The following HECTD4 variants were observed in gnomAD, a reference collection of about 807,000 sequenced individuals.
HECTD4 encodes probable E3 ubiquitin-protein ligase HECTD4.
HECTD4 carries 114 observed loss-of-function variants against 471.5 expected under a neutral mutation model. The ratio of observed to expected loss-of-function variants is 0.24; its 90% CI spans 0.21 to 0.28. HECTD4 has a LOEUF of 0.28. Ranked by LOEUF, HECTD4 falls within the 10% of genes least tolerant of loss-of-function variation. The probability of loss-of-function intolerance (pLI) is 1.00; values close to 1 mark genes in which losing one functional copy is unlikely to be tolerated. For synonymous variants in HECTD4, 2,012 were observed against 2,256.0 expected (o/e 0.89, Z 3.07); for missense variants, 3,866 against 5,651.5 (o/e 0.68, Z 10.13).
At chr12:112,303,818 C>T (rs2035215156) in intron 7 of HECTD4, among the ~76,000 whole-genome samples, 1 of 148,862 alleles carries the variant, frequency 6.7e-6, no homozygotes, top group Admixed American at 6.7e-5. Flanking sequence ...CCACTGCATT[C>T]CAGCCTGGGT....
Position 112,179,378 on chromosome 12 carries a change from T to A in HECTD4, c.11007A>T (p.Gly3669=). Reference sequence around the variant, plus strand: ...ATATCTCCGTCAGAACCTCTCTGGCTCCGGGCACCAGCTTCTCCCCTGTTG... The same window carrying A: ...ATATCTCCGTCAGAACCTCTCTGGCACCGGGCACCAGCTTCTCCCCTGTTG... ...KSIKGEKLVP[G]AREVLTEIFK... The change falls in exon 63 of 76, where the codon GGA becomes GGT. Residue 3669 remains glycine (G), a synonymous_variant. Coordinates refer to ENST00000682272, the MANE Select transcript of HECTD4 (RefSeq NM_001388303.1). This position sits in a 1 kb window ranked among gnomAD's most constrained non-coding sequence, Gnocchi z 4.3. The A allele has an allele frequency of 6.2e-7, 1 of 1,611,838 alleles. No homozygotes were observed. The highest frequency in any genetic ancestry group is 8.5e-7 in the Non-Finnish European group (1 of 1,179,096).
intron 55 of HECTD4, among the ~76,000 whole-genome samples, chr12:112,196,012 C>T (rs946474022): frequency 6.6e-6 from 1 of 152,006 alleles, no homozygotes; most frequent in Non-Finnish European, 1.5e-5. Context: ...AAATAGAAAT[C>T]GCCCTGTAGT....
intron 34 of HECTD4, among the ~76,000 whole-genome samples, chr12:112,238,774 G>A (rs2033574521): frequency 6.6e-6 from 1 of 152,078 alleles, no homozygotes; most frequent in South Asian, 2.1e-4. Context: ...ACTACTAGCA[G>A]TATTGACAAG....
chr12:112,206,738 G>T (rs1391386328), intron 52 of HECTD4, among the ~76,000 whole-genome samples: 1 of 151,852 alleles, frequency 6.6e-6, no homozygotes, highest in Admixed American at 6.6e-5. Flanking sequence ...GGGTTTCACC[G>T]TGTTAGCCAG....
In HECTD4 at chr12:112,319,610, G is replaced by T. The variant is rs1312334087; in HGVS notation, c.310C>A (p.Gln104Lys). 7.0e-7 allele frequency: 1 copy of T among 1,420,202 alleles called. No individual in the cohort carries two copies. Among genetic ancestry groups the T allele is most frequent in the African/African-American group, 1.4e-5 (1 of 69,510 alleles). 88.0% of individuals were successfully genotyped at this position (1,420,202 alleles called of 1,614,324 possible). ...LNALRGLWNA[Q>K]RQLALEEQHE... ...TGTTCTTCTAAGGCCAGCTGGCGCT[G>T]GGCATTCCACAGTCCTCGCAAGGCA... The change falls in exon 2 of 76, where the codon CAG (glutamine) becomes AAG (lysine). Residue 104 changes from glutamine (Q) to lysine (K), a missense_variant. Gln to Lys is a moderately conservative substitution (Grantham distance 53, BLOSUM62 1). Transcript: ENST00000682272. This position sits in a 1 kb window ranked among gnomAD's most constrained non-coding sequence, Gnocchi z 5.3.
intron 22 of HECTD4, among the ~76,000 whole-genome samples, chr12:112,253,123 A>C (rs903124773): frequency 2.0e-5 from 3 of 150,480 alleles, no homozygotes; most frequent in Admixed American, 2.0e-4. Context: ...CTTGAGCATA[A>C]TTTCTCTCTT....
intron 1 of HECTD4, among the ~76,000 whole-genome samples, chr12:112,368,548 T>C (rs984627103): frequency 3.3e-5 from 5 of 152,336 alleles, no homozygotes; most frequent in Admixed American, 2.0e-4. Context: ...TTATAGTATA[T>C]CCACAAATTA....
At chr12:112,187,830 G>A (rs1263923295) in intron 60 of HECTD4, among the ~76,000 whole-genome samples, 2 of 147,378 alleles carry the variant, frequency 1.4e-5, no homozygotes, top group Admixed American at 6.7e-5. Context: ...GTTTCACTGT[G>A]TTAGCCAGGA....
chr12:112,217,781 T>C (rs973884449), intron 45 of HECTD4, among the ~76,000 whole-genome samples: 1 of 152,210 alleles, frequency 6.6e-6, no homozygotes, highest in East Asian at 1.9e-4. Flanking sequence ...ATAGCCCCCA[T>C]GTAGTTACTG....
chr12:112,252,966 T>C (rs1453558798), intron 22 of HECTD4, among the ~76,000 whole-genome samples: 5 of 151,990 alleles, frequency 3.3e-5, no homozygotes, highest in Non-Finnish European at 7.4e-5. Flanking sequence ...TGCAGAACCA[T>C]GCCCAGCTAA....
At chr12:112,199,909 C>A (rs948524086) in intron 55 of HECTD4, among the ~76,000 whole-genome samples, 1 of 152,218 alleles carries the variant, frequency 6.6e-6, no homozygotes. Flanking sequence ...TTAGCTATCA[C>A]GATTTCTTGT....
At chr12:112,307,384 A>G (rs2035288540) in intron 6 of HECTD4, among the ~76,000 whole-genome samples, 1 of 152,222 alleles carries the variant, frequency 6.6e-6, no homozygotes, top group South Asian at 2.1e-4. Flanking sequence ...ATTGCAATGC[A>G]CATATCTAGT....
chr12:112,179,412 G>A lies in HECTD4; in HGVS notation c.10988-15C>T. ...CAGCTTCTCCCCTGTTGGATGGAGA[G>A]GGGGCAAAACAATTCTGCCGTGAAC... On this transcript the variant is annotated splice_polypyrimidine_tract_variant and intron_variant, in intron 62 of 75. Coordinates refer to ENST00000682272, the MANE Select transcript of HECTD4 (RefSeq NM_001388303.1). This position sits in a 1 kb window ranked among gnomAD's most constrained non-coding sequence, Gnocchi z 4.3. 6.3e-7 allele frequency: 1 copy of A among 1,597,650 alleles called. No homozygotes were observed. The highest frequency in any genetic ancestry group is 8.5e-7 in the Non-Finnish European group (1 of 1,169,982).
chr12:112,237,840 C>T (rs1593962861), intron 34 of HECTD4, among the ~76,000 whole-genome samples: 1 of 151,896 alleles, frequency 6.6e-6, no homozygotes, highest in South Asian at 2.1e-4. Context: ...CTGCAACCTC[C>T]GCCTCCCAGG....
chr12:112,243,913 A>G lies in HECTD4; in HGVS notation c.4610T>C (p.Ile1537Thr), dbSNP rs2033698586. 1.9e-6 allele frequency: 3 copies of G among 1,614,024 alleles called. No homozygotes were observed. The highest frequency in any genetic ancestry group is 2.5e-6 in the Non-Finnish European group (3 of 1,179,898). The change falls in exon 30 of 76, where the codon ATT becomes ACT. Residue 1537 changes from isoleucine (I) to threonine (T), a missense_variant. Physicochemically the swap from Ile to Thr is moderately conservative, Grantham distance 89. Transcript: ENST00000682272. The surrounding 1 kb of genome is among the most constrained non-coding windows in gnomAD (Gnocchi z 6.6). The part of the protein sequence containing the change: ...SMSAPSDLEM[I>T]GNEDLEFTRA... Reference sequence around the variant, plus strand: ...AGTAAATTCCAAATCTTCATTACCAATCATTTCCAGGTCAGAAGGAGCTGA... The same window carrying G: ...AGTAAATTCCAAATCTTCATTACCAGTCATTTCCAGGTCAGAAGGAGCTGA...
chr12:112,324,536 C>T (rs569994258), intron 1 of HECTD4, among the ~76,000 whole-genome samples: 155 of 152,196 alleles, frequency 1.0e-3, no homozygotes, highest in African/African-American at 3.5e-3. Context: ...TCACCAAACA[C>T]ACATTACCTT....
intron 1 of HECTD4, among the ~76,000 whole-genome samples, chr12:112,332,144 G>A (rs2035855941): frequency 6.6e-6 from 1 of 151,714 alleles, no homozygotes; most frequent in Non-Finnish European, 1.5e-5. Flanking sequence ...GCAGAAATAG[G>A]AAGTTACTGG....
intron 1 of HECTD4, among the ~76,000 whole-genome samples, chr12:112,334,230 A>C (rs945160559): frequency 6.6e-6 from 1 of 150,826 alleles, no homozygotes; most frequent in African/African-American, 2.4e-5. Flanking sequence ...TAAATAAATA[A>C]ATAAATAAAT....
chr12:112,310,057 G>A (rs906540784), intron 4 of HECTD4, among the ~76,000 whole-genome samples: 4 of 152,130 alleles, frequency 2.6e-5, no homozygotes, highest in Admixed American at 6.5e-5. Context: ...TAATTGCATA[G>A]TAAGAGAGGC....
Sources: gnomAD v4.1 joint callset for allele counts (sites outside exome capture counted in the v4.1 genomes callset) on GRCh38, gnomAD v4.1.1 for gene constraint, Gnocchi (gnomAD v3.1) non-coding constraint, MANE v1.5 for transcripts, NCBI Gene and HGNC (gene_info 2026-07-23, HGNC 2026-07-21) for gene names.